The following GABRB1 variants were observed in gnomAD, a reference collection of about 807,000 sequenced individuals.
GABRB1 encodes the protein gamma-aminobutyric acid type A receptor subunit beta1.
A neutral mutation model predicts 51.6 loss-of-function variants in GABRB1; 17 were observed. That is an observed-to-expected ratio of 0.33 (90% confidence interval 0.23 to 0.49). The LOEUF is 0.49. Among genes scored for constraint, GABRB1 ranks in the 20% least tolerant of loss-of-function variants. The pLI is 0.99. For missense variants in GABRB1, 410 were observed against 600.6 expected (o/e 0.68, Z 3.32); for synonymous variants, 247 against 218.9 (o/e 1.13, Z -1.14).
At chr4:47,306,965 T>C (rs1724495023) in intron 4 of GABRB1, among the ~76,000 whole-genome samples, 1 of 152,142 alleles carries the variant, frequency 6.6e-6, no homozygotes, top group Non-Finnish European at 1.5e-5. Flanking sequence ...GTGTAGCAAG[T>C]AGGGAACTAG....
chr4:47,150,339 C>T (rs912629409), intron 3 of GABRB1, among the ~76,000 whole-genome samples: 1 of 135,156 alleles, frequency 7.4e-6, no homozygotes, highest in Admixed American at 8.2e-5. Flanking sequence ...CACACACACA[C>T]ACACGCACAT....
At chr4:47,288,332 G>A (rs1003104851) in intron 4 of GABRB1, among the ~76,000 whole-genome samples, 6 of 151,706 alleles carry the variant, frequency 4.0e-5, no homozygotes, top group Non-Finnish European at 8.8e-5. Context: ...GCGCGATCTC[G>A]GCTCACTGCA....
intron 3 of GABRB1, among the ~76,000 whole-genome samples, chr4:47,058,316 T>G (rs750164520): frequency 1.3e-5 from 2 of 152,156 alleles, no homozygotes; most frequent in Non-Finnish European, 2.9e-5. Flanking sequence ...TGGGAAAAAG[T>G]CTATATGGTT....
At chr4:47,147,855 G>A (rs1324944873) in intron 3 of GABRB1, among the ~76,000 whole-genome samples, 11 of 152,070 alleles carry the variant, frequency 7.2e-5, no homozygotes, top group Admixed American at 6.6e-4. Context: ...AGCAAGAAGT[G>A]TGACTGCAGA....
In GABRB1 at chr4:47,190,554, C is replaced by T. The variant is rs150528820; in HGVS notation, c.461+29085C>T. On this transcript the variant is annotated intron_variant, in intron 4 of 8. Transcript: ENST00000295454. ...AAGCCATCACAATCATTTTCAAAGG[C>T]TTTTAAATCCCTGACTTCAAAGCAT... Among the ~76,000 whole-genome samples, 22 of 152,196 alleles carry T rather than the reference C, an allele frequency of 1.4e-4. No individual in the cohort carries two copies. In the East Asian group the frequency reaches 3.3e-3, roughly 23 times the overall value.
intron 4 of GABRB1, among the ~76,000 whole-genome samples, chr4:47,219,345 C>A (rs922966343): frequency 2.0e-5 from 3 of 151,874 alleles, no homozygotes; most frequent in African/African-American, 7.2e-5. Flanking sequence ...GAGTCTGACA[C>A]TGCTTGCAGA....
chr4:47,407,664 C>A (rs986758653), intron 8 of GABRB1, among the ~76,000 whole-genome samples: 1 of 152,210 alleles, frequency 6.6e-6, no homozygotes, highest in Admixed American at 6.5e-5. Flanking sequence ...GACAACTGTT[C>A]ATTTAGGCAC....
chr4:47,332,115 T>C (rs553198314), intron 5 of GABRB1, among the ~76,000 whole-genome samples: 13 of 152,346 alleles, frequency 8.5e-5, no homozygotes, highest in East Asian at 3.9e-4. Flanking sequence ...AGTTCTTAAG[T>C]AGGCTTTATT....
At chr4:47,059,428 T>C (rs1560515534) in intron 3 of GABRB1, among the ~76,000 whole-genome samples, 1 of 152,298 alleles carries the variant, frequency 6.6e-6, no homozygotes, top group East Asian at 1.9e-4. Flanking sequence ...CATTTCACCC[T>C]ACTGAGTAAC....
At chr4:47,269,345 T>A (rs1324228477) in intron 4 of GABRB1, among the ~76,000 whole-genome samples, 1 of 152,218 alleles carries the variant, frequency 6.6e-6, no homozygotes, top group African/African-American at 2.4e-5. Flanking sequence ...TAGGCAAGCA[T>A]CATTGCATTA....
intron 4 of GABRB1, among the ~76,000 whole-genome samples, chr4:47,178,513 A>G (rs1718798669): frequency 6.6e-6 from 1 of 152,222 alleles, no homozygotes; most frequent in East Asian, 1.9e-4. Flanking sequence ...GCTAAAGAAG[A>G]ATAAAGCCAT....
At chr4:47,271,745 C>T (rs1722882937) in intron 4 of GABRB1, among the ~76,000 whole-genome samples, 1 of 152,074 alleles carries the variant, frequency 6.6e-6, no homozygotes, top group Admixed American at 6.6e-5. Context: ...TGGTTCACCT[C>T]AGATGCAAGC....
intron 1 of GABRB1, among the ~76,000 whole-genome samples, chr4:47,004,099 CT>C (rs1421419535): frequency 6.6e-6 from 1 of 152,108 alleles, no homozygotes; most frequent in East Asian, 1.9e-4. Flanking sequence ...AGCGGTTCCC[CT>C]GCCTCAGCCT....
intron 4 of GABRB1, among the ~76,000 whole-genome samples, chr4:47,277,254 C>A (rs1000893671): frequency 1.3e-5 from 2 of 151,888 alleles, no homozygotes; most frequent in Non-Finnish European, 2.9e-5. Context: ...TTAAATAAGC[C>A]AGGCATAAGG....
chr4:47,258,746 A>T (rs1404933272), intron 4 of GABRB1, among the ~76,000 whole-genome samples: 1 of 152,182 alleles, frequency 6.6e-6, no homozygotes, highest in Admixed American at 6.5e-5. Flanking sequence ...TCACTGTGAT[A>T]ATTGCAATCA....
intron 4 of GABRB1, among the ~76,000 whole-genome samples, chr4:47,201,727 G>C (rs1238430399): frequency 1.3e-5 from 2 of 152,090 alleles, no homozygotes; most frequent in Non-Finnish European, 2.9e-5. Flanking sequence ...ATAATAAAAA[G>C]TTGTGAAAAG....
chr4:47,015,295 A>G (rs1048708026), intron 1 of GABRB1, among the ~76,000 whole-genome samples: 3 of 152,226 alleles, frequency 2.0e-5, no homozygotes, highest in African/African-American at 7.2e-5. Context: ...ATAGAATAAC[A>G]ATATGTTTCA....
chr4:47,354,980 GTTTTTTTTTTT>G (rs71195627), intron 5 of GABRB1, among the ~76,000 whole-genome samples: 1 of 44,252 alleles, frequency 2.3e-5, no homozygotes, highest in African/African-American at 9.8e-5. Context: ...TTCTTCCTTT[GTTTTTTTTTTT>G]TTTTTTTTTT....
chr4:47,301,466 CA>C (rs11337814), intron 4 of GABRB1, among the ~76,000 whole-genome samples: 32,103 of 151,524 alleles, frequency 0.21, 4,300 homozygotes, highest in Middle Eastern at 0.39. Flanking sequence ...GTGAGATCCC[CA>C]TCTCTACAAT....
Sources: allele counts gnomAD v4.1 joint callset (sites outside exome capture counted in the v4.1 genomes callset), GRCh38; gene constraint gnomAD v4.1.1; transcripts MANE v1.5; gene names NCBI Gene and HGNC (gene_info 2026-07-23, HGNC 2026-07-21).